PBX3: variants seen among roughly 807,000 people sequenced by gnomAD.
The protein encoded by PBX3 is pre-B-cell leukemia transcription factor 3.
Under a neutral mutation model 48.5 loss-of-function variants are expected in PBX3, and 14 were observed. The observed-to-expected ratio is 0.29, with a 90% CI of 0.19 to 0.45. The LOEUF is 0.45. PBX3 is among the 20% of genes least tolerant of loss of function. The pLI is 1.00. For missense variants in PBX3, 386 were observed against 546.7 expected (o/e 0.71, Z 2.93); for synonymous variants, 210 against 200.3 (o/e 1.05, Z -0.41).
intron 2 of PBX3, among the ~76,000 whole-genome samples, chr9:125,832,880 G>GTT (rs1230471325): frequency 6.6e-6 from 1 of 152,122 alleles, no homozygotes; most frequent in Non-Finnish European, 1.5e-5. Flanking sequence ...TAATTCCAGG[G>GTT]TTTAGGAGGG....
In PBX3 at chr9:125,899,454, T is replaced by TATAGAG. The variant is rs1377456112; in HGVS notation, c.275-16231_275-16230insTAGAGA. ...ATATATATGTGTGTATATATATATA[T>TATAGAG]AGAGAGAGAGAGAGAGAGAGAGAGA... is the stretch of plus-strand genomic sequence containing the variant. On this transcript the variant is annotated intron_variant, in intron 2 of 8. Transcript: ENST00000373489. Among the ~76,000 whole-genome samples, 16 of 103,756 alleles carry TATAGAG rather than the reference T, an allele frequency of 1.5e-4. 1 individual carries two copies. Among genetic ancestry groups the TATAGAG allele is most frequent in the African/African-American group, 5.4e-4 (14 of 26,056 alleles). The allele number at this position is 103,756 out of a possible 152,430, so 68.1% of individuals were successfully genotyped here.
intron 6 of PBX3, among the ~76,000 whole-genome samples, chr9:125,961,563 A>G (rs1379024912): frequency 1.3e-5 from 2 of 152,190 alleles, no homozygotes; most frequent in Non-Finnish European, 1.5e-5. Context: ...TCTCTTAGCT[A>G]TATCTTTAGA....
chr9:125,898,367 A>C (rs1227890811), intron 2 of PBX3, among the ~76,000 whole-genome samples: 1 of 151,418 alleles, frequency 6.6e-6, no homozygotes, highest in Non-Finnish European at 1.5e-5. Context: ...TTAGTATAAT[A>C]ATGATTCCCA....
intron 5 of PBX3, among the ~76,000 whole-genome samples, chr9:125,954,625 T>C (rs1842263250): frequency 6.6e-6 from 1 of 152,162 alleles, no homozygotes; most frequent in African/African-American, 2.4e-5. Flanking sequence ...AGTCTCTGCC[T>C]CCCGGGTTCA....
intron 2 of PBX3, among the ~76,000 whole-genome samples, chr9:125,872,063 A>G (rs1469163107): frequency 6.6e-6 from 1 of 152,220 alleles, no homozygotes; most frequent in Admixed American, 6.5e-5. Context: ...AAAAAATTAG[A>G]TTGAATAGAT....
At chr9:125,795,255 A>G (rs1191223248) in intron 2 of PBX3, among the ~76,000 whole-genome samples, 1 of 152,230 alleles carries the variant, frequency 6.6e-6, no homozygotes, top group Non-Finnish European at 1.5e-5. Flanking sequence ...GTCTTATAGT[A>G]AGATATTAGC....
At chr9:125,876,805 T>C (rs1421186979) in intron 2 of PBX3, among the ~76,000 whole-genome samples, 1 of 137,326 alleles carries the variant, frequency 7.3e-6, no homozygotes, top group Non-Finnish European at 1.5e-5. Flanking sequence ...TTTCTTTCTT[T>C]TTTTTTTTTT....
intron 2 of PBX3, among the ~76,000 whole-genome samples, chr9:125,785,842 C>T (rs929794897): frequency 7.2e-5 from 11 of 152,262 alleles, no homozygotes; most frequent in South Asian, 4.1e-4. Flanking sequence ...GAAATTCAGG[C>T]GGCTGACTTT....
chr9:125,946,255 G>A lies in PBX3; in HGVS notation c.843+10648G>A, dbSNP rs190355948. ...GAAATCAAATACAAAATTTTTTTTTGGAGAAAGATAGCAGCATCCTAGGCT... is the reference window on the plus strand; with the variant it reads ...GAAATCAAATACAAAATTTTTTTTTAGAGAAAGATAGCAGCATCCTAGGCT... On this transcript the variant is annotated intron_variant, in intron 5 of 8. Coordinates refer to ENST00000373489, the MANE Select transcript of PBX3 (RefSeq NM_006195.6). 9.0e-4 allele frequency among the ~76,000 whole-genome samples: 137 copies of A among 151,844 alleles called. 1 individual carries two copies. Among genetic ancestry groups the A allele is most frequent in the Admixed American group, 1.5e-3 (23 of 15,270 alleles).
intron 2 of PBX3, among the ~76,000 whole-genome samples, chr9:125,851,966 T>C (rs1839595271): frequency 6.6e-6 from 1 of 151,776 alleles, no homozygotes; most frequent in East Asian, 1.9e-4. Context: ...TCTGAGTGGA[T>C]TTAAGAAAAA....
chr9:125,953,359 C>T (rs1042560158), intron 5 of PBX3, among the ~76,000 whole-genome samples: 7 of 151,908 alleles, frequency 4.6e-5, no homozygotes, highest in African/African-American at 1.7e-4. Flanking sequence ...CACCTGTAGT[C>T]GCAGCTACTC....
intron 6 of PBX3, among the ~76,000 whole-genome samples, chr9:125,961,655 A>G (rs551327329): frequency 6.6e-6 from 1 of 152,092 alleles, no homozygotes; most frequent in African/African-American, 2.4e-5. Flanking sequence ...ATAAAAACAG[A>G]TGAAAGGAGA....
intron 2 of PBX3, among the ~76,000 whole-genome samples, chr9:125,863,275 A>G (rs1029255574): frequency 2.7e-5 from 4 of 150,426 alleles, no homozygotes; most frequent in African/African-American, 9.8e-5. Flanking sequence ...GTGATCTCAG[A>G]TCACTGTAAC....
chr9:125,945,050 C>G (rs979353961), intron 5 of PBX3, among the ~76,000 whole-genome samples: 7 of 151,526 alleles, frequency 4.6e-5, no homozygotes, highest in African/African-American at 1.7e-4. Flanking sequence ...TGGTGAAACC[C>G]TCTCTCTACT....
chr9:125,868,726 A>G (rs1840047637), intron 2 of PBX3, among the ~76,000 whole-genome samples: 1 of 152,354 alleles, frequency 6.6e-6, no homozygotes, highest in East Asian at 1.9e-4. Context: ...GACAGACCTT[A>G]GCGATACCCT....
intron 3 of PBX3, among the ~76,000 whole-genome samples, chr9:125,922,083 C>G (rs1373472423): frequency 6.6e-6 from 1 of 152,038 alleles, no homozygotes; most frequent in Non-Finnish European, 1.5e-5. Context: ...AAAAGCCCCA[C>G]CACAAAATAA....
chr9:125,764,670 A>T (rs902988483), intron 2 of PBX3, among the ~76,000 whole-genome samples: 1 of 152,214 alleles, frequency 6.6e-6, no homozygotes, highest in African/African-American at 2.4e-5. Context: ...TAAAGCTGTT[A>T]TTTTAAGATC....
intron 2 of PBX3, among the ~76,000 whole-genome samples, chr9:125,806,714 T>A (rs980111259): frequency 1.5e-4 from 23 of 152,204 alleles, no homozygotes; most frequent in African/African-American, 5.1e-4. Context: ...TTGCAGATCA[T>A]ATTAAGCTCA....
intron 3 of PBX3, 57 bp downstream of exon 3, chr9:125,915,984 A>G (rs1841323696): frequency 6.3e-7 from 1 of 1,581,368 alleles, no homozygotes. Context: ...CTTCTATTAG[A>G]CCATGCTAAC....
Sources: allele counts gnomAD v4.1 joint callset (sites outside exome capture counted in the v4.1 genomes callset), GRCh38; gene constraint gnomAD v4.1.1; transcripts MANE v1.5; gene names NCBI Gene and HGNC (gene_info 2026-07-23, HGNC 2026-07-21).